Variants in THSD4 observed in about 807,000 individuals in gnomAD.
The protein encoded by THSD4 is thrombospondin type 1 domain containing 4.
THSD4 carries 69 observed loss-of-function variants against 119.0 expected under a neutral mutation model. The ratio of observed to expected loss-of-function variants is 0.58; its 90% CI spans 0.48 to 0.71. The LOEUF (loss-of-function observed/expected upper bound fraction) is 0.71, where lower values mean the gene tolerates loss of function less well. Ranked by LOEUF, THSD4 falls within the 30% of genes least tolerant of loss-of-function variation. The pLI, the probability that THSD4 is intolerant of heterozygous loss-of-function variation, is 0.00. For missense variants in THSD4, 1,393 were observed against 1,391.1 expected (o/e 1.00, Z -0.02); for synonymous variants, 524 against 540.4 (o/e 0.97, Z 0.42).
chr15:71,233,466 AT>A (rs1181093222), intron 4 of THSD4, among the ~76,000 whole-genome samples: 7 of 152,026 alleles, frequency 4.6e-5, no homozygotes, highest in African/African-American at 7.2e-5. Flanking sequence ...TACTGTATAC[AT>A]TTTTTCTTTA....
chr15:71,694,120 G>A (rs2052113821), intron 8 of THSD4, among the ~76,000 whole-genome samples: 1 of 152,194 alleles, frequency 6.6e-6, no homozygotes. Context: ...GGACCCTTTG[G>A]TGGAAACCAT....
At chr15:71,751,088 C>T (rs2053440058) in intron 14 of THSD4, among the ~76,000 whole-genome samples, 1 of 152,238 alleles carries the variant, frequency 6.6e-6, no homozygotes, top group African/African-American at 2.4e-5. Context: ...CTAAGTCCCA[C>T]TGTCCTTTAG....
rs148341645 is a variant in THSD4 at position 71,719,718 on chromosome 15, C to T, written c.1358-8831C>T. ...TGAGACAAGGTCTCACTCCGTCTCC[C>T]GGGCTGGAGTACGGTGGCACGATCT... On this transcript the variant is annotated intron_variant, in intron 8 of 17. Transcript: ENST00000261862. 1.0e-3 allele frequency among the ~76,000 whole-genome samples: 155 copies of T among 152,296 alleles called. No individual in the cohort carries two copies. In the East Asian group the frequency reaches 0.026, roughly 25 times the overall value.
chr15:71,698,193 T>C (rs1478783053), intron 8 of THSD4, among the ~76,000 whole-genome samples: 5 of 152,198 alleles, frequency 3.3e-5, no homozygotes, highest in African/African-American at 1.2e-4. Context: ...TAAGTACCAT[T>C]CCCTGCCCTT....
At chr15:71,537,067 T>G (rs2048697413) in intron 7 of THSD4, among the ~76,000 whole-genome samples, 1 of 152,164 alleles carries the variant, frequency 6.6e-6, no homozygotes, top group Non-Finnish European at 1.5e-5. Context: ...CCTTTCACAG[T>G]TAACATTGTC....
intron 7 of THSD4, among the ~76,000 whole-genome samples, chr15:71,561,164 C>T (rs544617322): frequency 4.6e-5 from 7 of 151,830 alleles, no homozygotes; most frequent in Admixed American, 2.6e-4. Flanking sequence ...TTAGTAGAGA[C>T]GGAGTTTCAC....
intron 3 of THSD4, among the ~76,000 whole-genome samples, chr15:71,206,361 C>G (rs972424596): frequency 1.3e-5 from 2 of 152,176 alleles, no homozygotes; most frequent in African/African-American, 4.8e-5. Context: ...AGCTCCTGCA[C>G]AGGCCCCAGG....
At chr15:71,495,268 A>G (rs559193113) in intron 7 of THSD4, among the ~76,000 whole-genome samples, 1 of 152,244 alleles carries the variant, frequency 6.6e-6, no homozygotes, top group Non-Finnish European at 1.5e-5. Context: ...TACTGCTTGG[A>G]GCAGTTCCAA....
intron 6 of THSD4, among the ~76,000 whole-genome samples, chr15:71,339,962 G>A (rs553855656): frequency 4.6e-5 from 7 of 152,112 alleles, no homozygotes; most frequent in South Asian, 2.1e-4. Context: ...ACAGGCTTTC[G>A]TCATGTTGTC....
At chr15:71,602,513 G>A (rs540804100) in intron 7 of THSD4, among the ~76,000 whole-genome samples, 3 of 116,688 alleles carry the variant, frequency 2.6e-5, no homozygotes, top group South Asian at 6.0e-4. Context: ...AGATCACATC[G>A]TTGCACTCCA....
At chr15:71,619,611 A>G (rs1305048421) in intron 7 of THSD4, among the ~76,000 whole-genome samples, 1 of 152,180 alleles carries the variant, frequency 6.6e-6, no homozygotes, top group African/African-American at 2.4e-5. Context: ...TGGTGATAAT[A>G]TACATTGAAA....
intron 9 of THSD4, chr15:71,729,440 T>C (rs889466190): frequency 9.8e-5 from 15 of 152,318 alleles, no homozygotes. Context: ...CACCCATGAA[T>C]ATACACATTA....
chr15:71,459,865 A>G (rs906554347), intron 7 of THSD4, among the ~76,000 whole-genome samples: 3 of 152,160 alleles, frequency 2.0e-5, no homozygotes, highest in African/African-American at 7.2e-5. Context: ...TAAGCTTTAT[A>G]CATTTAATTT....
At chr15:71,341,099 G>C (rs2045562054) in intron 6 of THSD4, 1 of 1,198,434 alleles carries the variant, frequency 8.3e-7, no homozygotes, top group East Asian at 2.3e-5. Context: ...TGTCTCTTCT[G>C]TCTTCCCTCT....
At chr15:71,534,074 T>G (rs1327170573) in intron 7 of THSD4, among the ~76,000 whole-genome samples, 1 of 152,180 alleles carries the variant, frequency 6.6e-6, no homozygotes, top group Non-Finnish European at 1.5e-5. Context: ...CACAGCCTCC[T>G]GAATAGCTGG....
intron 8 of THSD4, among the ~76,000 whole-genome samples, chr15:71,727,109 C>T (rs1326121066): frequency 6.6e-6 from 1 of 152,082 alleles, no homozygotes; most frequent in African/African-American, 2.4e-5. Flanking sequence ...CTCCTGAGTA[C>T]ACACTAGAAA....
At chr15:71,412,677 A>G (rs999886646) in intron 7 of THSD4, among the ~76,000 whole-genome samples, 1 of 152,134 alleles carries the variant, frequency 6.6e-6, no homozygotes, top group African/African-American at 2.4e-5. Context: ...GTTTGAATAT[A>G]ACTTGCTACA....
chr15:71,269,848 C>T (rs2044508581), intron 6 of THSD4, among the ~76,000 whole-genome samples: 1 of 152,162 alleles, frequency 6.6e-6, no homozygotes. Context: ...CTCCCATTCA[C>T]AATTGCTACA....
At position 71,326,536 on chromosome 15, in the gene THSD4, G is replaced by A. The variant is rs1019157014; in HGVS notation, c.1015+69821G>A. 1.3e-4 allele frequency among the ~76,000 whole-genome samples: 20 copies of A among 149,594 alleles called. No homozygotes were observed. The Admixed American group carries it at 1.3e-3, about 10-fold the overall frequency. ...TACTAAAAATACAAAAATCAGCCAG[G>A]TGTGGTGGCACACACCTATAATCCC... On this transcript the variant is annotated intron_variant, in intron 6 of 17. Transcript: ENST00000261862.
Sources: allele counts gnomAD v4.1 joint callset (sites outside exome capture counted in the v4.1 genomes callset), GRCh38; gene constraint gnomAD v4.1.1; transcripts MANE v1.5; gene names NCBI Gene and HGNC (gene_info 2026-07-23, HGNC 2026-07-21).